The following CWC27 variants were observed in gnomAD, a reference collection of about 807,000 sequenced individuals.
The protein encoded by CWC27 is CWC27 spliceosome associated cyclophilin, also known as spliceosome-associated protein CWC27 homolog.
Under a neutral mutation model 63.6 loss-of-function variants are expected in CWC27, and 47 were observed. The ratio of observed to expected loss-of-function variants is 0.74; its 90% CI spans 0.58 to 0.94. The LOEUF (loss-of-function observed/expected upper bound fraction) is 0.94. Among genes scored for constraint, CWC27 ranks in the 40% least tolerant of loss-of-function variants. The pLI is 0.00. For synonymous variants in CWC27, 175 were observed against 179.8 expected, an observed-to-expected ratio of 0.97 and a Z score of 0.22; for missense variants, 495 against 554.3, an observed-to-expected ratio of 0.89 and a Z score of 1.07.
intron 13 of CWC27, among the ~76,000 whole-genome samples, chr5:65,013,559 G>A (rs1371080707): frequency 6.6e-6 from 1 of 152,228 alleles, no homozygotes; most frequent in African/African-American, 2.4e-5. Context: ...AGGTTGGTGA[G>A]ATAGGAAGCA....
At position 64,845,199 on chromosome 5, in the gene CWC27, C is replaced by A. The variant is rs548882439; in HGVS notation, c.939-40244C>A. On this transcript the variant is annotated intron_variant, in intron 10 of 13. Transcript: ENST00000381070. ...AAGCTCTGACTCCCTGGGATCATCA[C>A]CAGCTGGCCCTTCCCAGGCTAAACT... Among the ~76,000 whole-genome samples, 145 of 152,332 alleles carry A rather than the reference C, an allele frequency of 9.5e-4. 1 individual carries two copies. The highest frequency in any genetic ancestry group is 3.2e-3 in the African/African-American group (135 of 41,572).
intron 11 of CWC27, among the ~76,000 whole-genome samples, chr5:64,962,549 A>G (rs899979067): frequency 2.0e-5 from 3 of 152,180 alleles, no homozygotes; most frequent in Admixed American, 6.5e-5. Flanking sequence ...GAAGCTTGCC[A>G]TTTTTCAGAA....
At chr5:64,876,635 A>C (rs1746800463) in intron 10 of CWC27, among the ~76,000 whole-genome samples, 1 of 152,120 alleles carries the variant, frequency 6.6e-6, no homozygotes, top group Admixed American at 6.5e-5. Flanking sequence ...AGGTCTTGAT[A>C]ATCTTCATCA....
At chr5:64,888,734 A>G (rs1747147841) in intron 11 of CWC27, among the ~76,000 whole-genome samples, 1 of 151,992 alleles carries the variant, frequency 6.6e-6, no homozygotes, top group Admixed American at 6.6e-5. Context: ...ACCACAGTAA[A>G]TAACTGTTGC....
At chr5:64,820,294 A>C (rs796947483) in intron 10 of CWC27, among the ~76,000 whole-genome samples, 35 of 152,354 alleles carry the variant, frequency 2.3e-4, no homozygotes, top group African/African-American at 8.2e-4. Context: ...AAGGTGAAAC[A>C]ACTCCCAGTT....
intron 11 of CWC27, among the ~76,000 whole-genome samples, chr5:64,901,924 A>T (rs933398034): frequency 1.2e-4 from 19 of 152,212 alleles, no homozygotes; most frequent in Admixed American, 5.2e-4. Context: ...CAGGGTCAAG[A>T]TCATCAATAT....
intron 10 of CWC27, among the ~76,000 whole-genome samples, chr5:64,826,943 AAAAGC>A (rs1430526792): frequency 6.6e-6 from 1 of 152,168 alleles, no homozygotes; most frequent in African/African-American, 2.4e-5. Context: ...ATGGAAATGA[AAAAGC>A]AAATCAGCAT....
intron 10 of CWC27, among the ~76,000 whole-genome samples, chr5:64,855,830 A>G (rs1746243537): frequency 6.6e-6 from 1 of 152,136 alleles, no homozygotes; most frequent in Non-Finnish European, 1.5e-5. Context: ...ACATGGGAAT[A>G]ACCTTTTTTA....
intron 11 of CWC27, among the ~76,000 whole-genome samples, chr5:64,944,389 T>G (rs2112418227): frequency 6.6e-6 from 1 of 152,276 alleles, no homozygotes; most frequent in African/African-American, 2.4e-5. Context: ...ATTACCAGAT[T>G]TTACACTGTT....
At position 64,960,557 on chromosome 5, in the gene CWC27, A is replaced by C. The variant is rs1440008894; in HGVS notation, c.1043-11146A>C. 2.0e-5 allele frequency among the ~76,000 whole-genome samples: 3 copies of C among 151,972 alleles called. No homozygotes were observed. In the East Asian group the frequency reaches 5.8e-4, roughly 29 times the overall value. ...GTATATTAAAAAAAAATACAAATTG[A>C]CTTTGTATTTTCCAGAAAGTATGAG... On this transcript the variant is annotated intron_variant, in intron 11 of 13. Coordinates refer to ENST00000381070, the MANE Select transcript of CWC27 (RefSeq NM_005869.4).
intron 11 of CWC27, among the ~76,000 whole-genome samples, chr5:64,942,010 A>T (rs912121853): frequency 1.3e-5 from 2 of 152,292 alleles, no homozygotes; most frequent in African/African-American, 4.8e-5. Flanking sequence ...TATTTTGCAG[A>T]TTATCAAAGC....
At chr5:64,904,421 G>T (rs1747575272) in intron 11 of CWC27, among the ~76,000 whole-genome samples, 1 of 152,232 alleles carries the variant, frequency 6.6e-6, no homozygotes, top group Non-Finnish European at 1.5e-5. Flanking sequence ...CTGAAGACTT[G>T]ATTTAAGTAG....
chr5:64,837,095 G>A (rs1328263083), intron 10 of CWC27, among the ~76,000 whole-genome samples: 1 of 151,990 alleles, frequency 6.6e-6, no homozygotes, highest in African/African-American at 2.4e-5. Context: ...GCGTAATTGC[G>A]GTTCACAAGT....
chr5:64,852,403 A>G (rs55798439), intron 10 of CWC27, among the ~76,000 whole-genome samples: 53,574 of 152,018 alleles, frequency 0.35, 9,886 homozygotes, highest in East Asian at 0.51. Context: ...TTTATTAGAT[A>G]TCTAAGATCT....
At chr5:64,978,880 G>A (rs1350926139) in intron 13 of CWC27, among the ~76,000 whole-genome samples, 2 of 152,034 alleles carry the variant, frequency 1.3e-5, no homozygotes, top group East Asian at 3.9e-4. Context: ...TATTGAACAG[G>A]AAAGTCACCA....
At chr5:64,978,984 TC>T (rs893950128) in intron 13 of CWC27, among the ~76,000 whole-genome samples, 7 of 152,242 alleles carry the variant, frequency 4.6e-5, no homozygotes, top group African/African-American at 1.7e-4. Flanking sequence ...CTTCCAAGGT[TC>T]TTCCTAGCCC....
intron 13 of CWC27, among the ~76,000 whole-genome samples, chr5:64,981,983 C>G (rs1215875847): frequency 1.3e-5 from 2 of 152,074 alleles, no homozygotes; most frequent in African/African-American, 2.4e-5. Context: ...TCAATTTTAG[C>G]CATCAGTCAG....
At chr5:64,854,887 C>T (rs1281911130) in intron 10 of CWC27, among the ~76,000 whole-genome samples, 1 of 151,826 alleles carries the variant, frequency 6.6e-6, no homozygotes. Context: ...ATGCTAATTC[C>T]TCTGTAAGAA....
At chr5:64,789,766 C>T (rs1363472729) in intron 7 of CWC27, among the ~76,000 whole-genome samples, 1 of 152,058 alleles carries the variant, frequency 6.6e-6, no homozygotes, top group East Asian at 1.9e-4. Flanking sequence ...GGTTTCTACT[C>T]CTAAAGGTTC....
Sources: allele counts gnomAD v4.1 joint callset (sites outside exome capture counted in the v4.1 genomes callset), GRCh38; gene constraint gnomAD v4.1.1; transcripts MANE v1.5; gene names NCBI Gene and HGNC (gene_info 2026-07-23, HGNC 2026-07-21).